The following XYLT1 variants were observed in gnomAD, a reference collection of about 807,000 sequenced individuals.
The protein encoded by XYLT1 is beta-D-xylosyltransferase 1.
XYLT1 carries 36 observed loss-of-function variants against 91.3 expected under a neutral mutation model. The observed-to-expected ratio is 0.39, with a 90% confidence interval of 0.30 to 0.52. The LOEUF (loss-of-function observed/expected upper bound fraction) is 0.52. XYLT1 is among the 20% of genes least tolerant of loss of function. The pLI is 0.68. For missense variants in XYLT1, 1,242 were observed against 1,284.5 expected, an observed-to-expected ratio of 0.97 and a Z score of 0.51; for synonymous variants, 588 against 532.0, an observed-to-expected ratio of 1.11 and a Z score of -1.45.
intron 1 of XYLT1, among the ~76,000 whole-genome samples, chr16:17,384,079 C>T (rs1434287260): frequency 1.3e-5 from 2 of 151,782 alleles, no homozygotes; most frequent in Admixed American, 6.6e-5. Context: ...TAAAGCTTTC[C>T]GGTTTCCCTC....
chr16:17,161,064 G>GA (rs2031537401), intron 5 of XYLT1, among the ~76,000 whole-genome samples: 2 of 152,158 alleles, frequency 1.3e-5, no homozygotes, highest in Non-Finnish European at 2.9e-5. Flanking sequence ...GATTGAAGGG[G>GA]CCGGGCCGGG....
chr16:17,350,560 T>C (rs962862272), intron 2 of XYLT1, among the ~76,000 whole-genome samples: 2 of 152,194 alleles, frequency 1.3e-5, no homozygotes, highest in Non-Finnish European at 2.9e-5. Flanking sequence ...GAAAAGATTA[T>C]AGTAAAGCAA....
chr16:17,317,562 C>T (rs974271972), intron 2 of XYLT1, among the ~76,000 whole-genome samples: 4 of 130,128 alleles, frequency 3.1e-5, no homozygotes, highest in East Asian at 2.3e-4. Context: ...CCCAGGAGAT[C>T]GAGTTTGCGG....
At position 17,208,315 on chromosome 16, in the gene XYLT1, CCT is replaced by C. The variant is rs140390872; in HGVS notation, c.914-7663_914-7662del. 5.0e-3 allele frequency among the ~76,000 whole-genome samples: 766 copies of C among 151,868 alleles called. 6 individuals carry two copies. The highest frequency in any genetic ancestry group is 0.018 in the African/African-American group (739 of 41,406). ...CTTCTTTGAGTTCCCTGTCACAGCC[CCT>C]CTGAACATCCTGCACTTCTCTTTAA... On this transcript the variant is annotated intron_variant, in intron 3 of 11. Coordinates refer to ENST00000261381, the MANE Select transcript of XYLT1 (RefSeq NM_022166.4).
At chr16:17,205,192 G>A (rs752682082) in intron 3 of XYLT1, among the ~76,000 whole-genome samples, 5 of 152,248 alleles carry the variant, frequency 3.3e-5, no homozygotes, top group Admixed American at 6.5e-5. Flanking sequence ...TCCCCCAGTA[G>A]ATAGCTGTGC....
chr16:17,216,198 GA>G (rs2032856351), intron 3 of XYLT1, among the ~76,000 whole-genome samples: 1 of 152,156 alleles, frequency 6.6e-6, no homozygotes, highest in Non-Finnish European at 1.5e-5. Context: ...CTCTTGAAGG[GA>G]CTCGCAGGCT....
rs775188289 is a variant in XYLT1 at position 17,259,466 on chromosome 16, T to C, written c.435A>G (p.Lys145=). 4 of 1,611,268 alleles carry C rather than the reference T, an allele frequency of 2.5e-6. No individual in the cohort carries two copies. The African/African-American group carries it at 4.0e-5, about 16-fold the overall frequency. ...DGYFSHRPKE[K]VRTDSNNENS... ...TCTCGTTGTTGCTGTCTGTTCGCACTTTCTCTTTCGGCCGATGAGAAAAGT... is the reference window on the plus strand; with the variant it reads ...TCTCGTTGTTGCTGTCTGTTCGCACCTTCTCTTTCGGCCGATGAGAAAAGT... Residue 145 remains lysine (K), a synonymous_variant, in exon 3 of 12, where the codon AAA becomes AAG. Coordinates refer to ENST00000261381, the MANE Select transcript of XYLT1 (RefSeq NM_022166.4).
At chr16:17,280,330 A>T (rs563334491) in intron 2 of XYLT1, among the ~76,000 whole-genome samples, 1 of 152,230 alleles carries the variant, frequency 6.6e-6, no homozygotes, top group Non-Finnish European at 1.5e-5. Context: ...AGCCTGGGTG[A>T]CAGAGCAACA....
intron 1 of XYLT1, among the ~76,000 whole-genome samples, chr16:17,362,020 G>T (rs961486976): frequency 6.6e-6 from 1 of 152,154 alleles, no homozygotes; most frequent in Non-Finnish European, 1.5e-5. Flanking sequence ...GATGACCAGA[G>T]AGACTGGTAA....
At chr16:17,121,797 C>T (rs1254667149) in intron 10 of XYLT1, among the ~76,000 whole-genome samples, 1 of 152,104 alleles carries the variant, frequency 6.6e-6, no homozygotes, top group Non-Finnish European at 1.5e-5. Flanking sequence ...CATTCTTAAG[C>T]CTTGATTTCC....
At chr16:17,305,353 G>A (rs188811316) in intron 2 of XYLT1, among the ~76,000 whole-genome samples, 122 of 151,938 alleles carry the variant, frequency 8.0e-4, no homozygotes, top group Admixed American at 7.3e-3. Context: ...GAGTTTGTGT[G>A]TATGTGTGTG....
intron 7 of XYLT1, among the ~76,000 whole-genome samples, chr16:17,139,245 T>TTCTC (rs1441651272): frequency 1.3e-5 from 2 of 152,220 alleles, no homozygotes; most frequent in East Asian, 1.9e-4. Context: ...TTCCTCCCTG[T>TTCTC]TCTCTCTCCC....
At chr16:17,338,163 C>T (rs73523020) in intron 2 of XYLT1, 4 of 456,342 alleles carry the variant, frequency 8.8e-6, no homozygotes, top group African/African-American at 6.0e-5. Flanking sequence ...CTCCCCTGAA[C>T]TGAATGTCCC....
chr16:17,247,900 G>C (rs2033467223), intron 3 of XYLT1, among the ~76,000 whole-genome samples: 1 of 152,152 alleles, frequency 6.6e-6, no homozygotes, highest in South Asian at 2.1e-4. Context: ...GGCAGGGGTT[G>C]CTTTCCTGAT....
chr16:17,333,704 C>T (rs895102158), intron 2 of XYLT1, among the ~76,000 whole-genome samples: 4 of 151,852 alleles, frequency 2.6e-5, no homozygotes, highest in African/African-American at 9.7e-5. Context: ...TCTCCTGCCC[C>T]GGCCTCCCAA....
At chr16:17,432,488 C>T (rs897360481) in intron 1 of XYLT1, among the ~76,000 whole-genome samples, 1 of 152,104 alleles carries the variant, frequency 6.6e-6, no homozygotes, top group African/African-American at 2.4e-5. Context: ...CCAGAATAGG[C>T]AGATCTATAG....
At chr16:17,139,004 T>C (rs572924840) in intron 7 of XYLT1, among the ~76,000 whole-genome samples, 2 of 152,272 alleles carry the variant, frequency 1.3e-5, no homozygotes, top group African/African-American at 2.4e-5. Context: ...GACGGCAACA[T>C]AGGGAAGGGA....
intron 2 of XYLT1, among the ~76,000 whole-genome samples, chr16:17,331,876 C>G (rs1200369838): frequency 6.6e-6 from 1 of 152,218 alleles, no homozygotes; most frequent in Non-Finnish European, 1.5e-5. Flanking sequence ...GTAAGTTTCC[C>G]TAACTACTTT....
At chr16:17,459,549 C>T (rs2036788035) in intron 1 of XYLT1, among the ~76,000 whole-genome samples, 1 of 152,124 alleles carries the variant, frequency 6.6e-6, no homozygotes, top group Non-Finnish European at 1.5e-5. Flanking sequence ...ACTACTATGG[C>T]AAAAGGCATG....
Sources: allele counts gnomAD v4.1 joint callset (sites outside exome capture counted in the v4.1 genomes callset), GRCh38; gene constraint gnomAD v4.1.1; transcripts MANE v1.5; gene names NCBI Gene and HGNC (gene_info 2026-07-23, HGNC 2026-07-21).